ESRRG: variants seen among roughly 807,000 people sequenced by gnomAD.
The protein encoded by ESRRG is estrogen-related receptor gamma.
A neutral mutation model predicts 44.0 loss-of-function variants in ESRRG; 13 were observed. The ratio of observed to expected loss-of-function variants is 0.30; its 90% CI spans 0.19 to 0.47. The LOEUF (loss-of-function observed/expected upper bound fraction) is 0.47. Ranked by LOEUF, ESRRG falls within the 20% of genes least tolerant of loss-of-function variation. The probability of loss-of-function intolerance (pLI) is 1.00; values close to 1 mark genes in which losing one functional copy is unlikely to be tolerated. For missense variants in ESRRG, 395 were observed against 580.6 expected (o/e 0.68, Z 3.29); for synonymous variants, 215 against 214.6 (o/e 1.00, Z -0.02).
intron 2 of ESRRG, among the ~76,000 whole-genome samples, chr1:216,675,785 C>T (rs1313000677): frequency 1.3e-5 from 2 of 152,212 alleles, no homozygotes; most frequent in Non-Finnish European, 2.9e-5. Context: ...AGCCACTGCA[C>T]TTTGAGAACT....
At chr1:217,102,284 T>A (rs759879364) in intron 1 of ESRRG, among the ~76,000 whole-genome samples, 64 of 152,222 alleles carry the variant, frequency 4.2e-4, no homozygotes, top group Non-Finnish European at 7.2e-4. Context: ...AGCAAGTAAG[T>A]GTGGGATCTG....
chr1:217,089,341 G>A (rs1342411545), intron 1 of ESRRG, among the ~76,000 whole-genome samples: 1 of 143,952 alleles, frequency 6.9e-6, no homozygotes, highest in African/African-American at 2.6e-5. Context: ...TTATGGTTGT[G>A]TTATTCAGGG....
In ESRRG at chr1:216,564,307, G is replaced by A. The variant is rs150595557; in HGVS notation, c.774C>T (p.Pro258=). 1.4e-5 allele frequency: 23 copies of A among 1,610,152 alleles called. No individual in the cohort carries two copies. The highest frequency in any genetic ancestry group is 1.1e-4 in the African/African-American group (8 of 74,610). ...TAGTGAGGGCTTTGATGTCACTGTCGGGGACAGTAGGGTCAGGCATGGCAT... is the reference window on the plus strand; with the variant it reads ...TAGTGAGGGCTTTGATGTCACTGTCAGGGACAGTAGGGTCAGGCATGGCAT... ...KIYAMPDPTV[P]DSDIKALTTL... Residue 258 remains proline, a synonymous_variant, in exon 5 of 7, where the codon CCC becomes CCT. Coordinates refer to ENST00000408911, the MANE Select transcript of ESRRG (RefSeq NM_001438.4).
intron 2 of ESRRG, among the ~76,000 whole-genome samples, chr1:216,886,045 A>G (rs1179411744): frequency 6.6e-6 from 1 of 152,004 alleles, no homozygotes; most frequent in Non-Finnish European, 1.5e-5. Context: ...TTCTGAAGAT[A>G]CTTTCCTTGT....
At chr1:217,131,512 T>C (rs1228270041) in intron 1 of ESRRG, among the ~76,000 whole-genome samples, 2 of 152,220 alleles carry the variant, frequency 1.3e-5, no homozygotes, top group Non-Finnish European at 2.9e-5. Flanking sequence ...GTTCATGTGC[T>C]GTTATTGTAA....
chr1:217,120,687 A>G (rs1167532962), intron 1 of ESRRG, among the ~76,000 whole-genome samples: 1 of 152,150 alleles, frequency 6.6e-6, no homozygotes, highest in African/African-American at 2.4e-5. Context: ...CTCTTAATAT[A>G]TGATTTTTGA....
At chr1:216,821,935 C>T (rs2095306839) in intron 2 of ESRRG, among the ~76,000 whole-genome samples, 1 of 151,786 alleles carries the variant, frequency 6.6e-6, no homozygotes, top group African/African-American at 2.4e-5. Context: ...GGGTTCAAAG[C>T]TTGGGATGCT....
chr1:217,075,282 G>A (rs2091129800), intron 1 of ESRRG, among the ~76,000 whole-genome samples: 1 of 152,172 alleles, frequency 6.6e-6, no homozygotes. Flanking sequence ...GTTATCTCAT[G>A]TAACTCTTTC....
chr1:216,913,686 T>C (rs2060782664), intron 2 of ESRRG, among the ~76,000 whole-genome samples: 2 of 152,340 alleles, frequency 1.3e-5, no homozygotes, highest in Non-Finnish European at 1.5e-5. Context: ...GGAATAAAAA[T>C]AGCTTCCCTG....
chr1:216,766,961 C>A (rs1007326402), intron 2 of ESRRG, among the ~76,000 whole-genome samples: 2 of 152,098 alleles, frequency 1.3e-5, no homozygotes, highest in African/African-American at 4.8e-5. Flanking sequence ...TTTTCTTCCC[C>A]TACAAATAAA....
At chr1:216,648,403 G>GTA (rs1312261892) in intron 3 of ESRRG, among the ~76,000 whole-genome samples, 1 of 152,138 alleles carries the variant, frequency 6.6e-6, no homozygotes, top group Non-Finnish European at 1.5e-5. Flanking sequence ...TATTATTTGA[G>GTA]TATATCAGCA....
At chr1:216,509,835 C>A (rs1055801773) in intron 6 of ESRRG, among the ~76,000 whole-genome samples, 2 of 152,168 alleles carry the variant, frequency 1.3e-5, no homozygotes, top group Non-Finnish European at 2.9e-5. Flanking sequence ...ATTCAGCTGG[C>A]AGACTGCTGA....
intron 3 of ESRRG, among the ~76,000 whole-genome samples, chr1:216,641,050 T>C (rs2066318717): frequency 6.6e-6 from 1 of 152,182 alleles, no homozygotes. Context: ...GGCTTCCTAA[T>C]TCAAGTTCAC....
At chr1:216,600,751 T>C (rs1392833664) in intron 3 of ESRRG, among the ~76,000 whole-genome samples, 2 of 152,154 alleles carry the variant, frequency 1.3e-5, no homozygotes, top group African/African-American at 4.8e-5. Flanking sequence ...ACTTTACAAT[T>C]AGGGACCATG....
chr1:216,609,365 A>G (rs1478949472), intron 3 of ESRRG, among the ~76,000 whole-genome samples: 1 of 152,184 alleles, frequency 6.6e-6, no homozygotes, highest in African/African-American at 2.4e-5. Flanking sequence ...CCATCCCTCA[A>G]AGAAGTCAAC....
intron 3 of ESRRG, among the ~76,000 whole-genome samples, chr1:216,640,254 C>A (rs1241519394): frequency 6.6e-6 from 1 of 152,088 alleles, no homozygotes; most frequent in Non-Finnish European, 1.5e-5. Flanking sequence ...ATGGACTCCC[C>A]ACTAGTACCA....
intron 5 of ESRRG, among the ~76,000 whole-genome samples, chr1:216,542,100 G>GAGAGAGAGAC (rs2053046525): frequency 6.6e-6 from 1 of 151,746 alleles, no homozygotes; most frequent in Non-Finnish European, 1.5e-5. Flanking sequence ...GAGAGAGAGA[G>GAGAGAGAGAC]AGAGAGAGAG....
chr1:216,676,907 G>C (rs756187005), intron 2 of ESRRG, among the ~76,000 whole-genome samples, 169 bp downstream of exon 2: 6 of 151,938 alleles, frequency 3.9e-5, no homozygotes, highest in Non-Finnish European at 7.4e-5. Context: ...ATATCTGGGG[G>C]GATTTTATTC....
chr1:216,797,401 T>C (rs966711483), intron 2 of ESRRG, among the ~76,000 whole-genome samples: 1 of 152,142 alleles, frequency 6.6e-6, no homozygotes, highest in African/African-American at 2.4e-5. Flanking sequence ...TGTCACCAAA[T>C]ACCTTCTCAG....
Sources: allele counts gnomAD v4.1 joint callset (sites outside exome capture counted in the v4.1 genomes callset), GRCh38; gene constraint gnomAD v4.1.1; transcripts MANE v1.5; gene names NCBI Gene and HGNC (gene_info 2026-07-23, HGNC 2026-07-21).